MYO18B: variants seen among roughly 807,000 people sequenced by gnomAD.
MYO18B encodes myosin XVIIIB, also known as unconventional myosin-XVIIIb.
A neutral mutation model predicts 273.0 loss-of-function variants in MYO18B; 204 were observed. The ratio of observed to expected loss-of-function variants is 0.75; its 90% CI spans 0.67 to 0.84. The LOEUF (loss-of-function observed/expected upper bound fraction) is 0.84, where lower values mean the gene tolerates loss of function less well. MYO18B is among the 40% of genes least tolerant of loss of function. The pLI, the probability that MYO18B is intolerant of heterozygous loss-of-function variation, is 0.00. For synonymous variants in MYO18B, 1,330 were observed against 1,305.7 expected, an observed-to-expected ratio of 1.02 and a Z score of -0.40; for missense variants, 3,212 against 3,287.6, an observed-to-expected ratio of 0.98 and a Z score of 0.56.
chr22:25,792,766 C>T (rs140518509), intron 11 of MYO18B, among the ~76,000 whole-genome samples: 194 of 152,324 alleles, frequency 1.3e-3, no homozygotes, highest in Non-Finnish European at 2.2e-3. Context: ...GCTGGGATTA[C>T]AGGCGTGAGA....
chr22:26,025,817 C>G (rs1000367422), intron 42 of MYO18B, among the ~76,000 whole-genome samples: 1 of 152,222 alleles, frequency 6.6e-6, no homozygotes, highest in Non-Finnish European at 1.5e-5. Flanking sequence ...CAAACTCCCT[C>G]TGCATAAAAA....
intron 39 of MYO18B, among the ~76,000 whole-genome samples, chr22:25,976,053 C>T (rs970727929): frequency 6.6e-6 from 1 of 152,056 alleles, no homozygotes; most frequent in Non-Finnish European, 1.5e-5. Context: ...TGATTTTGTC[C>T]CCCCAGGGAA....
chr22:25,811,395 T>A (rs1007135524), intron 12 of MYO18B, among the ~76,000 whole-genome samples: 1 of 152,172 alleles, frequency 6.6e-6, no homozygotes, highest in Non-Finnish European at 1.5e-5. Context: ...TAACATTCCA[T>A]GAAACCTTTC....
At chr22:25,755,110 A>G (rs935268522) in intron 1 of MYO18B, among the ~76,000 whole-genome samples, 1 of 152,178 alleles carries the variant, frequency 6.6e-6, no homozygotes, top group Non-Finnish European at 1.5e-5. Context: ...CAAGGGGACG[A>G]CGGGAGGGGA....
At chr22:25,885,618 C>T (rs866528458) in intron 25 of MYO18B, among the ~76,000 whole-genome samples, 5 of 151,988 alleles carry the variant, frequency 3.3e-5, no homozygotes, top group South Asian at 2.1e-4. Flanking sequence ...GGCATGAAGC[C>T]GGACTGGATC....
the MYO18B span, among the ~76,000 whole-genome samples, chr22:26,063,713 G>A: frequency 2.0e-5 from 3 of 152,186 alleles, no homozygotes; most frequent in Non-Finnish European, 4.4e-5. Context: ...TTGCTGGAAT[G>A]TCTATGTTTT....
intron 29 of MYO18B, 187 bp downstream of exon 29, chr22:25,898,648 C>A (rs576870018): frequency 6.8e-4 from 427 of 626,630 alleles, no homozygotes; most frequent in Middle Eastern, 5.4e-3. Flanking sequence ...AGAAATTATT[C>A]TTTTCTCTTA....
chr22:25,895,451 C>A, intron 28 of MYO18B, 171 bp downstream of exon 28: 1 of 726,400 alleles, frequency 1.4e-6, no homozygotes, highest in Non-Finnish European at 2.2e-6. Context: ...CACTGTGAGA[C>A]ATGAAAAATA....
In MYO18B at chr22:25,814,838, C is replaced by T. The variant is rs183499936; in HGVS notation, c.2522-8667C>T. ...CTTTGTATGGATTATTCCATTTAATCCTCATAACTCTGTGGTAGATTATAC... is the reference window on the plus strand; with the variant it reads ...CTTTGTATGGATTATTCCATTTAATTCTCATAACTCTGTGGTAGATTATAC... On this transcript the variant is annotated intron_variant, in intron 12 of 43. Transcript: ENST00000335473. Among the ~76,000 whole-genome samples the T allele has an allele frequency of 1.2e-4, 18 of 152,304 alleles. No individual in the cohort carries two copies. The East Asian group carries it at 1.4e-3, about 11-fold the overall frequency.
At chr22:25,944,846 CAAA>C (rs55989904) in intron 34 of MYO18B, among the ~76,000 whole-genome samples, 16 of 75,622 alleles carry the variant, frequency 2.1e-4, no homozygotes, top group South Asian at 4.5e-4. Flanking sequence ...GACTCCATCT[CAAA>C]AAAAAAAAAA....
intron 36 of MYO18B, among the ~76,000 whole-genome samples, chr22:25,948,101 T>A (rs928348678): frequency 6.6e-6 from 1 of 152,110 alleles, no homozygotes; most frequent in Non-Finnish European, 1.5e-5. Flanking sequence ...CCATCGATCA[T>A]TCATCTGCTC....
chr22:25,876,124 T>G (rs1601431426), intron 23 of MYO18B, 65 bp from the exon 24 acceptor site: 2 of 1,544,134 alleles, frequency 1.3e-6, no homozygotes, highest in East Asian at 4.7e-5. Flanking sequence ...CTCTGCCTCC[T>G]CTCCTTCCTT....
At chr22:25,792,414 A>G (rs1601708350) in intron 11 of MYO18B, among the ~76,000 whole-genome samples, 1 of 145,104 alleles carries the variant, frequency 6.9e-6, no homozygotes, top group East Asian at 2.2e-4. Context: ...GTGGACTGAC[A>G]CCTGTCCTGC....
chr22:26,041,501 C>T, the MYO18B span, among the ~76,000 whole-genome samples: 6 of 152,096 alleles, frequency 3.9e-5, no homozygotes, highest in African/African-American at 7.2e-5. Flanking sequence ...CACTGCACTC[C>T]AGCCTAGGCA....
At chr22:25,799,019 C>T (rs978634619) in intron 12 of MYO18B, among the ~76,000 whole-genome samples, 3 of 152,078 alleles carry the variant, frequency 2.0e-5, no homozygotes, top group Non-Finnish European at 4.4e-5. Flanking sequence ...CCCCCTAGTT[C>T]TTACCCTCTC....
intron 2 of MYO18B, among the ~76,000 whole-genome samples, chr22:25,762,791 T>A (rs1402947781): frequency 6.6e-6 from 1 of 152,262 alleles, no homozygotes; most frequent in African/African-American, 2.4e-5. Flanking sequence ...ATTAATTGGT[T>A]CATCTATTAT....
intron 27 of MYO18B, among the ~76,000 whole-genome samples, chr22:25,894,320 G>C (rs1272661031): frequency 2.0e-5 from 3 of 152,264 alleles, no homozygotes; most frequent in East Asian, 1.9e-4. Context: ...ATGGATGGAT[G>C]GAAGGATGGA....
chr22:25,897,220 C>T (rs1198554222), intron 28 of MYO18B: 5 of 152,170 alleles, frequency 3.3e-5, no homozygotes, highest in Non-Finnish European at 4.4e-5. Context: ...CTCTCCCATT[C>T]GATATCGGAG....
Position 25,847,701 on chromosome 22 carries a change from G to A in MYO18B, c.3775+49G>A, listed in dbSNP as rs1223944311. ...ACCTTGTCTCTGACTCCTGGGACAT[G>A]TCCACCCACCAGTGGCAGCCAAGGG... is the stretch of plus-strand genomic sequence containing the variant. On this transcript the variant is annotated intron_variant, in intron 20 of 43. Transcript: ENST00000335473. 2.8e-6 allele frequency: 4 copies of A among 1,430,194 alleles called. No homozygotes were observed. The African/African-American group carries it at 5.7e-5, about 20-fold the overall frequency. 88.6% of individuals were successfully genotyped at this position (1,430,194 alleles called of 1,614,324 possible). A position where few individuals can be genotyped will look rare whatever the true frequency, so the allele number is the denominator to read the frequency against.
Sources: gnomAD v4.1 joint callset for allele counts (sites outside exome capture counted in the v4.1 genomes callset) on GRCh38, gnomAD v4.1.1 for gene constraint, MANE v1.5 for transcripts, NCBI Gene and HGNC (gene_info 2026-07-23, HGNC 2026-07-21) for gene names.